NRF1: variants seen among roughly 807,000 people sequenced by gnomAD.
The protein encoded by NRF1 is nuclear respiratory factor 1, also known as alpha palindromic-binding protein.
In NRF1, 5 loss-of-function variants were observed where a neutral mutation model predicts 58.5. The observed-to-expected ratio is 0.09, with a 90% CI of 0.04 to 0.18. The LOEUF is 0.18. NRF1 is among the 10% of genes least tolerant of loss of function. The probability of loss-of-function intolerance (pLI) is 1.00; values close to 1 mark genes in which losing one functional copy is unlikely to be tolerated. For missense variants in NRF1, 288 were observed against 657.7 expected, an observed-to-expected ratio of 0.44 and a Z score of 6.15; for synonymous variants, 224 against 246.7, an observed-to-expected ratio of 0.91 and a Z score of 0.86.
In NRF1 at chr7:129,671,980, G is replaced by A. The variant is rs555963600; in HGVS notation, c.338+437G>A. ...ATATAGTCAGTTTTCTCTATTACGGGGATGGTCTGGGAAATCCTTTTTGTT... is the reference window on the plus strand; with the variant it reads ...ATATAGTCAGTTTTCTCTATTACGGAGATGGTCTGGGAAATCCTTTTTGTT... On this transcript the variant is annotated intron_variant, in intron 3 of 10. Coordinates refer to ENST00000393232, the MANE Select transcript of NRF1 (RefSeq NM_005011.5). 3.9e-5 allele frequency among the ~76,000 whole-genome samples: 6 copies of A among 152,214 alleles called. No individual in the cohort carries two copies. In the South Asian group the frequency reaches 1.2e-3, roughly 32 times the overall value.
At chr7:129,618,790 T>C (rs1174266008) in intron 1 of NRF1, among the ~76,000 whole-genome samples, 2 of 152,222 alleles carry the variant, frequency 1.3e-5, no homozygotes, top group Non-Finnish European at 2.9e-5. Flanking sequence ...TTTGTAATGT[T>C]GGTATGCATA....
intron 1 of NRF1, among the ~76,000 whole-genome samples, chr7:129,645,535 G>A (rs1296711709): frequency 1.3e-5 from 2 of 152,188 alleles, no homozygotes; most frequent in African/African-American, 4.8e-5. Flanking sequence ...GTAGGTCTAC[G>A]CAGTCCGCTA....
At chr7:129,611,904 G>GCCCGC (rs1584569222) in intron 1 of NRF1, 80 bp downstream of exon 1, 2 of 148,688 alleles carry the variant, frequency 1.3e-5, no homozygotes, top group Non-Finnish European at 3.0e-5. Flanking sequence ...CGGCCGGCCG[G>GCCCGC]CCCGCCCCGC....
At chr7:129,644,348 C>A (rs991430018) in intron 1 of NRF1, among the ~76,000 whole-genome samples, 2 of 152,060 alleles carry the variant, frequency 1.3e-5, no homozygotes, top group Non-Finnish European at 2.9e-5. Context: ...AAGGACAAAA[C>A]GCTGACAATC....
chr7:129,720,562 T>A (rs1458099559), intron 9 of NRF1, among the ~76,000 whole-genome samples: 1 of 152,296 alleles, frequency 6.6e-6, no homozygotes, highest in East Asian at 1.9e-4. Flanking sequence ...CATGGTTCTC[T>A]AATAACCACC....
intron 1 of NRF1, among the ~76,000 whole-genome samples, chr7:129,634,614 A>G (rs879599625): frequency 3.3e-5 from 5 of 152,210 alleles, no homozygotes; most frequent in African/African-American, 9.6e-5. Context: ...GTTGTGTTCA[A>G]GTTTTAGCAA....
At chr7:129,734,039 AG>A (rs1262690373) in intron 10 of NRF1, among the ~76,000 whole-genome samples, 1 of 152,024 alleles carries the variant, frequency 6.6e-6, no homozygotes, top group African/African-American at 2.4e-5. Context: ...GAAAAAAAAA[AG>A]ATGTTAGCAA....
intron 1 of NRF1, among the ~76,000 whole-genome samples, chr7:129,612,982 A>C (rs1800572335): frequency 1.3e-5 from 2 of 152,200 alleles, no homozygotes; most frequent in Admixed American, 1.3e-4. Context: ...ATTAGATTAG[A>C]ATATATTAAT....
intron 4 of NRF1, among the ~76,000 whole-genome samples, chr7:129,679,028 C>A (rs940080141): frequency 2.0e-5 from 3 of 152,068 alleles, no homozygotes; most frequent in South Asian, 2.1e-4. Flanking sequence ...CAGAATATAT[C>A]TTCCAGAGCA....
intron 5 of NRF1, among the ~76,000 whole-genome samples, chr7:129,700,094 T>G (rs1802786072): frequency 6.6e-6 from 1 of 150,914 alleles, no homozygotes; most frequent in Non-Finnish European, 1.5e-5. Flanking sequence ...TGAGCTGAGA[T>G]GGCACCATTG....
intron 9 of NRF1, among the ~76,000 whole-genome samples, chr7:129,721,298 A>G (rs927684877): frequency 1.3e-4 from 20 of 152,202 alleles, no homozygotes; most frequent in African/African-American, 4.6e-4. Flanking sequence ...ACTTGATAGT[A>G]TATTGTTAAC....
rs1227102064 is a variant in NRF1, at chr7:129,753,661, TG to T, written c.1349-1356del. ...CAGGACTACCTTTATGGAGGTTATG[TG>T]CTTCTTCCTTTAAGCCATCCTTTCT... On this transcript the variant is annotated intron_variant, in intron 10 of 10. Coordinates refer to ENST00000393232, the MANE Select transcript of NRF1 (RefSeq NM_005011.5). Among the ~76,000 whole-genome samples, 44 of 152,220 alleles carry T rather than the reference TG, an allele frequency of 2.9e-4. 1 individual carries two copies. Among genetic ancestry groups the T allele is most frequent in the Non-Finnish European group, 8.8e-5 (6 of 68,046 alleles).
intron 9 of NRF1, among the ~76,000 whole-genome samples, chr7:129,721,413 T>C (rs1043969679): frequency 6.6e-6 from 1 of 152,022 alleles, no homozygotes; most frequent in African/African-American, 2.4e-5. Flanking sequence ...TTAGAATTTG[T>C]CTTTTTTTTT....
chr7:129,613,755 T>C (rs1283358413), intron 1 of NRF1, among the ~76,000 whole-genome samples: 1 of 69,306 alleles, frequency 1.4e-5, no homozygotes, highest in Non-Finnish European at 2.7e-5. Flanking sequence ...AAAAATTAGC[T>C]GGGCGTGGTG....
At chr7:129,744,285 G>A in intron 10 of NRF1, 1 of 1,477,502 alleles carries the variant, frequency 6.8e-7, no homozygotes. Flanking sequence ...TCACTGTGAG[G>A]CTGTCATTCC....
chr7:129,752,239 G>C (rs1039014774), intron 10 of NRF1, among the ~76,000 whole-genome samples: 4 of 152,202 alleles, frequency 2.6e-5, no homozygotes, highest in African/African-American at 7.2e-5. Context: ...GATGGGGCAG[G>C]TTCCACAAGG....
intron 10 of NRF1, 33 bp from the exon 11 acceptor site, chr7:129,754,985 G>A: frequency 6.5e-7 from 1 of 1,531,570 alleles, no homozygotes; most frequent in Non-Finnish European, 8.8e-7. Context: ...TTGAGCCTGA[G>A]CCCCACCAAC....
chr7:129,727,209 C>A (rs747829999), intron 9 of NRF1, 32 bp from the exon 10 acceptor site: 1 of 1,553,816 alleles, frequency 6.4e-7, no homozygotes, highest in South Asian at 1.2e-5. Context: ...TTCCTCTATT[C>A]ATCATCCTCT....
At chr7:129,718,984 GTTA>G in intron 9 of NRF1, among the ~76,000 whole-genome samples, 1 of 152,188 alleles carries the variant, frequency 6.6e-6, no homozygotes, top group Middle Eastern at 3.4e-3. Flanking sequence ...AAGAATTATA[GTTA>G]TTATCATTTA....
Sources: gnomAD v4.1 joint callset for allele counts (sites outside exome capture counted in the v4.1 genomes callset) on GRCh38, gnomAD v4.1.1 for gene constraint, MANE v1.5 for transcripts, NCBI Gene and HGNC (gene_info 2026-07-23, HGNC 2026-07-21) for gene names.